The following TMEM132C variants were observed in gnomAD, a reference collection of about 807,000 sequenced individuals.
TMEM132C encodes the protein protein phosphatase 1, regulatory subunit 152.
A neutral mutation model predicts 61.4 loss-of-function variants in TMEM132C; 29 were observed. The observed-to-expected ratio is 0.47, with a 90% CI of 0.35 to 0.64. The LOEUF is 0.64. Ranked by LOEUF, TMEM132C falls within the 30% of genes least tolerant of loss-of-function variation. The pLI, the probability that TMEM132C is intolerant of heterozygous loss-of-function variation, is 0.00. For synonymous variants in TMEM132C, 656 were observed against 633.1 expected, an observed-to-expected ratio of 1.04 and a Z score of -0.54; for missense variants, 1,408 against 1,476.9, an observed-to-expected ratio of 0.95 and a Z score of 0.76.
At chr12:128,347,642 G>A (rs947457946) in intron 1 of TMEM132C, among the ~76,000 whole-genome samples, 3 of 152,312 alleles carry the variant, frequency 2.0e-5, no homozygotes, top group African/African-American at 7.2e-5. Flanking sequence ...TGGTCAGGCT[G>A]GTCTTGAACT....
chr12:128,686,070 C>T (rs79002860), intron 5 of TMEM132C, among the ~76,000 whole-genome samples: 72 of 58,946 alleles, frequency 1.2e-3, no homozygotes, highest in Middle Eastern at 9.8e-3. Context: ...TGTGTGCATG[C>T]GTGTGTGCGC....
At chr12:128,394,774 G>A (rs1291070532) in intron 1 of TMEM132C, among the ~76,000 whole-genome samples, 2 of 152,186 alleles carry the variant, frequency 1.3e-5, no homozygotes, top group African/African-American at 4.8e-5. Context: ...AGCCATACAC[G>A]GGATAGTATA....
chr12:128,542,120 T>C (rs76323367), intron 2 of TMEM132C, among the ~76,000 whole-genome samples: 11,306 of 152,218 alleles, frequency 0.074, 1,400 homozygotes, highest in African/African-American at 0.25. Flanking sequence ...CACAAACTCC[T>C]GAGTCTGGGG....
intron 1 of TMEM132C, among the ~76,000 whole-genome samples, chr12:128,342,821 CT>C (rs1326142196): frequency 6.6e-6 from 1 of 152,226 alleles, no homozygotes; most frequent in African/African-American, 2.4e-5. Flanking sequence ...GTGGGCAGAG[CT>C]TCCCCTCCGC....
At chr12:128,455,746 GAACAGCCAAGGAAA>G (rs1181520489) in intron 2 of TMEM132C, among the ~76,000 whole-genome samples, 1 of 152,190 alleles carries the variant, frequency 6.6e-6, no homozygotes, top group Non-Finnish European at 1.5e-5. Context: ...CCCTAGGAGA[GAACAGCCAAGGAAA>G]CGAAGACAAA....
intron 1 of TMEM132C, among the ~76,000 whole-genome samples, chr12:128,383,396 G>A (rs1005221344): frequency 4.6e-5 from 7 of 152,162 alleles, no homozygotes; most frequent in Non-Finnish European, 7.4e-5. Context: ...GTGGAAACAC[G>A]CTCCGGGTGC....
intron 3 of TMEM132C, among the ~76,000 whole-genome samples, chr12:128,603,301 C>T (rs1392708128): frequency 6.6e-6 from 1 of 152,230 alleles, no homozygotes; most frequent in Non-Finnish European, 1.5e-5. Flanking sequence ...GACAGCACAA[C>T]AGAGTCCCCT....
chr12:128,373,673 C>T (rs1271242622), intron 1 of TMEM132C, among the ~76,000 whole-genome samples: 2 of 152,204 alleles, frequency 1.3e-5, no homozygotes, highest in Non-Finnish European at 2.9e-5. Context: ...ATGTTGTTGA[C>T]TGCTAAGCCA....
At chr12:128,566,099 A>G (rs1207485667) in intron 3 of TMEM132C, among the ~76,000 whole-genome samples, 7 of 150,168 alleles carry the variant, frequency 4.7e-5, no homozygotes, top group Non-Finnish European at 1.0e-4. Context: ...CATGATGGCC[A>G]GGCTGGTCCT....
intron 1 of TMEM132C, among the ~76,000 whole-genome samples, chr12:128,303,434 A>G (rs954079224): frequency 6.6e-6 from 1 of 152,204 alleles, no homozygotes; most frequent in African/African-American, 2.4e-5. Context: ...AGTTTTCTTT[A>G]TTCGTGATGA....
chr12:128,586,643 C>G (rs1158286877), intron 3 of TMEM132C, among the ~76,000 whole-genome samples: 1 of 152,210 alleles, frequency 6.6e-6, no homozygotes, highest in Admixed American at 6.5e-5. Flanking sequence ...CTCTCTCTCT[C>G]TGTCTCTCAA....
intron 2 of TMEM132C, among the ~76,000 whole-genome samples, chr12:128,528,199 T>C (rs1006984387): frequency 6.6e-6 from 1 of 152,190 alleles, no homozygotes; most frequent in African/African-American, 2.4e-5. Context: ...TGTCTTCCGT[T>C]GGCCAGCCTC....
intron 4 of TMEM132C, among the ~76,000 whole-genome samples, chr12:128,658,924 T>G (rs952175608): frequency 1.3e-5 from 2 of 152,252 alleles, no homozygotes; most frequent in African/African-American, 4.8e-5. Context: ...GATCAGAGGC[T>G]GTAACCACTG....
chr12:128,554,167 T>C (rs1874261337), intron 3 of TMEM132C, among the ~76,000 whole-genome samples: 1 of 152,238 alleles, frequency 6.6e-6, no homozygotes, highest in South Asian at 2.1e-4. Flanking sequence ...GACTGAATGC[T>C]GAGAGGCTGC....
intron 1 of TMEM132C, among the ~76,000 whole-genome samples, chr12:128,404,969 A>C (rs902290381): frequency 1.8e-4 from 15 of 84,204 alleles, no homozygotes; most frequent in Non-Finnish European, 3.3e-4. Flanking sequence ...GGGAGACAGC[A>C]ATGAACGTGC....
intron 6 of TMEM132C, among the ~76,000 whole-genome samples, chr12:128,695,036 A>T (rs1954748723): frequency 6.6e-6 from 1 of 152,172 alleles, no homozygotes; most frequent in Non-Finnish European, 1.5e-5. Flanking sequence ...ATACATGTGG[A>T]AGCATAAAAT....
rs182502808 is a variant in TMEM132C at position 128,426,724 on chromosome 12, A to T, written c.974+11104A>T. Among the ~76,000 whole-genome samples the T allele has an allele frequency of 7.2e-5, 11 of 152,184 alleles. No individual in the cohort carries two copies. The East Asian group carries it at 2.1e-3, about 29-fold the overall frequency. Reference sequence around the variant, plus strand: ...CCCCCTCCGCAGCTCCCCATAACACATCTGGGTTGCCAGGCAGCCCAGCTC... The same window carrying T: ...CCCCCTCCGCAGCTCCCCATAACACTTCTGGGTTGCCAGGCAGCCCAGCTC... On this transcript the variant is annotated intron_variant, in intron 2 of 8. Coordinates refer to ENST00000435159, the MANE Select transcript of TMEM132C (RefSeq NM_001136103.3).
chr12:128,336,846 G>A (rs1301426542), intron 1 of TMEM132C, among the ~76,000 whole-genome samples: 1 of 152,208 alleles, frequency 6.6e-6, no homozygotes, highest in African/African-American at 2.4e-5. Flanking sequence ...GAGCTCATCT[G>A]GGTGCAAGGC....
intron 1 of TMEM132C, among the ~76,000 whole-genome samples, chr12:128,367,214 A>G (rs1313939283): frequency 6.6e-6 from 1 of 152,196 alleles, no homozygotes; most frequent in Non-Finnish European, 1.5e-5. Context: ...TTGGAGGGGA[A>G]GGCCAGGTCT....
Sources: gnomAD v4.1 joint callset for allele counts (sites outside exome capture counted in the v4.1 genomes callset) on GRCh38, gnomAD v4.1.1 for gene constraint, MANE v1.5 for transcripts, NCBI Gene and HGNC (gene_info 2026-07-23, HGNC 2026-07-21) for gene names.